Variants in NBEA observed in about 807,000 individuals in gnomAD.
The protein encoded by NBEA is neurobeachin, also known as lysosomal-trafficking regulator 2.
NBEA carries 44 observed loss-of-function variants against 343.4 expected under a neutral mutation model. The ratio of observed to expected loss-of-function variants is 0.13; its 90% confidence interval spans 0.10 to 0.16. The LOEUF (loss-of-function observed/expected upper bound fraction) is 0.16. Ranked by LOEUF, NBEA falls within the 10% of genes least tolerant of loss-of-function variation. The probability of loss-of-function intolerance (pLI) is 1.00; values close to 1 mark genes in which losing one functional copy is unlikely to be tolerated. For synonymous variants in NBEA, 1,175 were observed against 1,238.7 expected (o/e 0.95, Z 1.08); for missense variants, 2,555 against 3,631.3 (o/e 0.70, Z 7.62).
At chr13:35,205,985 C>G (rs573398035) in intron 31 of NBEA, among the ~76,000 whole-genome samples, 11 of 151,884 alleles carry the variant, frequency 7.2e-5, no homozygotes, top group African/African-American at 2.7e-4. Context: ...AATTCTAACC[C>G]GGGTCTGTAG....
chr13:35,348,824 C>T (rs2040021053), intron 36 of NBEA, among the ~76,000 whole-genome samples: 1 of 151,958 alleles, frequency 6.6e-6, no homozygotes, highest in East Asian at 1.9e-4. Context: ...CATTTGAAAA[C>T]ACTCCAACCA....
At chr13:35,599,955 A>G (rs565751541) in intron 47 of NBEA, among the ~76,000 whole-genome samples, 45 of 152,346 alleles carry the variant, frequency 3.0e-4, no homozygotes, top group African/African-American at 9.6e-4. Flanking sequence ...TAGTCCATAT[A>G]TATGTCAACT....
chr13:35,117,169 C>T (rs907321689), intron 13 of NBEA, among the ~76,000 whole-genome samples: 4 of 151,760 alleles, frequency 2.6e-5, no homozygotes, highest in Admixed American at 6.6e-5. Flanking sequence ...TAATATATAA[C>T]AACTTTTTAA....
At chr13:35,111,474 A>T (rs2066203546) in intron 13 of NBEA, among the ~76,000 whole-genome samples, 1 of 152,014 alleles carries the variant, frequency 6.6e-6, no homozygotes, top group South Asian at 2.1e-4. Context: ...GAAAAAATAT[A>T]TTTATGACCC....
chr13:35,137,879 T>C (rs1209798193), intron 17 of NBEA, among the ~76,000 whole-genome samples: 1 of 151,982 alleles, frequency 6.6e-6, no homozygotes, highest in Non-Finnish European at 1.5e-5. Flanking sequence ...AATGAAGAAA[T>C]GACAGGATGA....
Position 35,196,087 on chromosome 13 carries a change from C to G in NBEA, c.5151C>G (p.Ser1717Arg), listed in dbSNP as rs374934873. ...LSSEVKKSQESLTENPSETLK... is the reference protein window; with the variant it reads ...LSSEVKKSQERLTENPSETLK... ...CCGAAGTGAAGAAATCACAAGAGAG[C>G]TTAACTGAAAATCCTAGTGAAACGT... The change falls in exon 31 of 59, where the codon AGC becomes AGG. Residue 1717 changes from serine (S) to arginine (R), a missense_variant. Ser to Arg is a moderately radical substitution (Grantham distance 110, BLOSUM62 -1). Coordinates refer to ENST00000379939, the MANE Select transcript of NBEA (RefSeq NM_001385012.1). The G allele has an allele frequency of 9.9e-6, 16 of 1,613,512 alleles. No homozygotes were observed. Among genetic ancestry groups the G allele is most frequent in the African/African-American group, 1.3e-5 (1 of 74,932 alleles).
intron 49 of NBEA, among the ~76,000 whole-genome samples, chr13:35,630,386 A>G (rs189901696): frequency 6.6e-6 from 1 of 152,340 alleles, no homozygotes; most frequent in African/African-American, 2.4e-5. Context: ...AAAATTTAAA[A>G]TGTAAAAATT....
At chr13:35,279,619 C>G (rs187177990) in intron 34 of NBEA, among the ~76,000 whole-genome samples, 1 of 152,230 alleles carries the variant, frequency 6.6e-6, no homozygotes, top group African/African-American at 2.4e-5. Context: ...AGAAAGTATA[C>G]AGACAGAGTT....
intron 43 of NBEA, among the ~76,000 whole-genome samples, chr13:35,553,016 C>T (rs922582125): frequency 1.3e-5 from 2 of 151,988 alleles, no homozygotes; most frequent in African/African-American, 4.8e-5. Context: ...CTCAGTTTCC[C>T]AAGTAGCTGG....
At chr13:35,392,777 A>C (rs556445898) in intron 38 of NBEA, among the ~76,000 whole-genome samples, 156 of 152,238 alleles carry the variant, frequency 1.0e-3, no homozygotes, top group African/African-American at 3.7e-3. Flanking sequence ...TCTTTGAATA[A>C]ATGGGACTTT....
chr13:35,568,761 AAGTGCTGC>A (rs2080254346), intron 45 of NBEA, among the ~76,000 whole-genome samples: 4 of 152,180 alleles, frequency 2.6e-5, no homozygotes, highest in South Asian at 4.1e-4. Context: ...CCAAAATCCA[AAGTGCTGC>A]AGTGTTTCCA....
At chr13:35,307,207 C>G (rs1159766519) in intron 35 of NBEA, among the ~76,000 whole-genome samples, 2 of 151,812 alleles carry the variant, frequency 1.3e-5, no homozygotes, top group Admixed American at 1.3e-4. Flanking sequence ...ATTTTTTATT[C>G]CCTATTTGAA....
intron 17 of NBEA, among the ~76,000 whole-genome samples, chr13:35,132,464 C>T (rs1221566924): frequency 2.0e-5 from 3 of 152,066 alleles, no homozygotes; most frequent in African/African-American, 2.4e-5. Context: ...CCAGCCAGTA[C>T]TATTATTAAT....
At position 35,651,925 on chromosome 13, in the gene NBEA, C is replaced by A. The variant is rs1566463391; in HGVS notation, c.8035+49C>A. 14 of 978,236 alleles carry A rather than the reference C, an allele frequency of 1.4e-5. 1 individual carries two copies. The highest frequency in any genetic ancestry group is 3.3e-5 in the African/African-American group (2 of 61,118). 60.6% of individuals were successfully genotyped at this position (978,236 alleles called of 1,614,324 possible). A position where few individuals can be genotyped will look rare whatever the true frequency, so the allele number is the denominator to read the frequency against. The stretch of plus-strand genomic sequence containing the variant: ...TTTTCATGGATACTATCCATATATT[C>A]ATATATAGTTATTTTTCATAAGATA... On this transcript the variant is annotated intron_variant, in intron 53 of 58. Transcript: ENST00000379939.
intron 26 of NBEA, among the ~76,000 whole-genome samples, chr13:35,173,122 T>A (rs377345279): frequency 1.3e-5 from 2 of 152,122 alleles, no homozygotes; most frequent in South Asian, 2.1e-4. Context: ...ATTTTATGTT[T>A]AAAATATTTT....
chr13:35,397,413 A>G (rs2042796290), intron 38 of NBEA, among the ~76,000 whole-genome samples: 1 of 152,122 alleles, frequency 6.6e-6, no homozygotes, highest in Non-Finnish European at 1.5e-5. Flanking sequence ...TCTCTATCTC[A>G]TGACTAAGCT....
rs895454637 is a variant in NBEA, at chr13:35,646,329, G to A, written c.7751G>A (p.Arg2584Gln). The A allele has an allele frequency of 3.1e-6, 5 of 1,613,444 alleles. No individual in the cohort carries two copies. Among genetic ancestry groups the A allele is most frequent in the Non-Finnish European group, 4.2e-6 (5 of 1,179,612 alleles). Residue 2584 changes from arginine (R) to glutamine (Q), a missense_variant, in exon 51 of 59, where the codon CGG becomes CAG. By Grantham distance (43) the Arg-to-Gln change is conservative (BLOSUM62 1). Coordinates refer to ENST00000379939, the MANE Select transcript of NBEA (RefSeq NM_001385012.1). ...TTGCTTATTGAGCCACATCCGCCTCGGAGCTCTGCCATGCACCTGGTAAGA... is the reference window on the plus strand; with the variant it reads ...TTGCTTATTGAGCCACATCCGCCTCAGAGCTCTGCCATGCACCTGGTAAGA... Reference protein sequence around the residue: ...SQLLIEPHPPRSSAMHLCFLP... With the variant: ...SQLLIEPHPPQSSAMHLCFLP...
At chr13:35,304,263 C>CA (rs1232000644) in intron 35 of NBEA, among the ~76,000 whole-genome samples, 3 of 152,056 alleles carry the variant, frequency 2.0e-5, no homozygotes, top group Non-Finnish European at 4.4e-5. Context: ...AACACAAATA[C>CA]AGGTCAACAG....
At chr13:35,073,768 C>G (rs549028978) in intron 10 of NBEA, among the ~76,000 whole-genome samples, 58 of 151,954 alleles carry the variant, frequency 3.8e-4, no homozygotes, top group Non-Finnish European at 7.2e-4. Flanking sequence ...GACAAAACCT[C>G]GTTTCTACAA....
Sources: gnomAD v4.1 joint callset for allele counts (sites outside exome capture counted in the v4.1 genomes callset) on GRCh38, gnomAD v4.1.1 for gene constraint, MANE v1.5 for transcripts, NCBI Gene and HGNC (gene_info 2026-07-23, HGNC 2026-07-21) for gene names.